The following FAM83G variants were observed in gnomAD, a reference collection of about 807,000 sequenced individuals.
FAM83G encodes scaffolding CK1 anchoring protein G, also known as protein FAM83G.
Under a neutral mutation model 61.5 loss-of-function variants are expected in FAM83G, and 38 were observed. The ratio of observed to expected loss-of-function variants is 0.62; its 90% confidence interval spans 0.48 to 0.81. FAM83G has a LOEUF of 0.81. Ranked by LOEUF, FAM83G falls within the 30% of genes least tolerant of loss-of-function variation. FAM83G has a pLI of 0.00. For synonymous variants in FAM83G, 470 were observed against 476.1 expected, an observed-to-expected ratio of 0.99 and a Z score of 0.17; for missense variants, 989 against 1,133.6, an observed-to-expected ratio of 0.87 and a Z score of 1.83.
In FAM83G at chr17:18,971,158, G is replaced by A. The variant is rs781297592; in HGVS notation, c.*201C>T. On this transcript the variant is annotated 3_prime_UTR_variant, in exon 6 of 6. Coordinates refer to ENST00000388995, the MANE Select transcript of FAM83G (RefSeq NM_001039999.3). The surrounding 1 kb of genome is among the most constrained non-coding windows in gnomAD (Gnocchi z 5.5). The stretch of plus-strand genomic sequence containing the variant: ...GAGACCCCCACACAGGGGACCTGCC[G>A]TGGACCGGGATGACCTTTGGCCTGA... 82 of 1,614,092 alleles carry A rather than the reference G, an allele frequency of 5.1e-5. No homozygotes were observed. The East Asian group carries it at 1.1e-3, about 21-fold the overall frequency.
At chr17:18,997,863 C>CA (rs145582036) in intron 2 of FAM83G, among the ~76,000 whole-genome samples, 1 of 152,180 alleles carries the variant, frequency 6.6e-6, no homozygotes, top group Non-Finnish European at 1.5e-5. Context: ...ATGCCAGACA[C>CA]AGAGTGTTTT....
In FAM83G at chr17:18,968,834, A is replaced by T. The variant is rs1423493569; in HGVS notation, c.*2525T>A. On this transcript the variant is annotated 3_prime_UTR_variant, in exon 6 of 6. Transcript: ENST00000388995. The surrounding 1 kb of genome is among the most constrained non-coding windows in gnomAD (Gnocchi z 4.1). ...ACTTTGGACTTTATTAGCAACAGTAATGTCCCCTGACATCCGCACAAGCTT... is the reference window on the plus strand; with the variant it reads ...ACTTTGGACTTTATTAGCAACAGTATTGTCCCCTGACATCCGCACAAGCTT... 1 of 562,414 alleles carries T rather than the reference A, an allele frequency of 1.8e-6. No individual in the cohort carries two copies. The allele number at this position is 562,414 out of a possible 1,614,324, so 34.8% of individuals were successfully genotyped here. A position where few individuals can be genotyped will look rare whatever the true frequency, so the allele number is the denominator to read the frequency against.
intron 2 of FAM83G, among the ~76,000 whole-genome samples, chr17:18,993,732 T>A (rs1489426725): frequency 1.3e-5 from 2 of 152,256 alleles, no homozygotes; most frequent in East Asian, 3.9e-4. Flanking sequence ...GGTTCGTTAT[T>A]CTCCAGGTCT....
Position 18,978,231 on chromosome 17 carries a change from C to T in FAM83G, c.1435G>A (p.Glu479Lys), listed in dbSNP as rs952267447. The T allele has an allele frequency of 5.0e-6, 8 of 1,587,098 alleles. No individual in the cohort carries two copies. Among genetic ancestry groups the T allele is most frequent in the East Asian group, 2.2e-5 (1 of 44,616 alleles). The change falls in exon 5 of 6, where the codon GAG becomes AAG. Residue 479 changes from glutamate to lysine, a missense_variant. Around this residue, in one of 3 missense-constraint regions of FAM83G, gnomAD observed 574 missense variants for 645.1 expected, o/e 0.89. Coordinates refer to ENST00000388995, the MANE Select transcript of FAM83G (RefSeq NM_001039999.3). ...RPRPEPCPPP[E>K]PSAPQDGVPA... ...ACACCGTCCTGGGGGGCACTGGGCT[C>T]TGGGGGAGGGCAAGGCTCTGGACGG...
In FAM83G at chr17:18,978,629, T is replaced by A. The variant is rs2043049579; in HGVS notation, c.1037A>T (p.Asn346Ile). The A allele has an allele frequency of 1.2e-6, 2 of 1,612,790 alleles. No individual in the cohort carries two copies. The highest frequency in any genetic ancestry group is 2.2e-5 in the South Asian group (2 of 91,082). The change falls in exon 5 of 6, where the codon AAC (asparagine) becomes ATC (isoleucine). Residue 346 changes from asparagine to isoleucine, a missense_variant. Asn to Ile is a moderately radical substitution (Grantham distance 149, BLOSUM62 -3). This residue lies in a region of FAM83G where 44 missense variants were observed against 83.9 expected (regional missense o/e 0.52). Transcript: ENST00000388995. ...PAGTVAKKLV[N>I]PKYALVKAKS... ...GGCCTTGACAAGTGCGTACTTGGGG[T>A]TGACGAGCTTCTTGGCCACAGTGCC...
At chr17:18,984,094 G>A (rs1426945275) in intron 3 of FAM83G, among the ~76,000 whole-genome samples, 3 of 152,116 alleles carry the variant, frequency 2.0e-5, no homozygotes, top group Admixed American at 6.5e-5. Flanking sequence ...TGTAATCCCC[G>A]CACTTTGGGA....
At position 18,988,230 on chromosome 17, in the gene FAM83G, G is replaced by T; in HGVS notation, c.690+17C>A. The T allele has an allele frequency of 6.2e-7, 1 of 1,602,856 alleles. No homozygotes were observed. Among genetic ancestry groups the T allele is most frequent in the African/African-American group, 1.3e-5 (1 of 74,892 alleles). On this transcript the variant is annotated intron_variant, in intron 3 of 5. Transcript: ENST00000388995. ...CCCTGCCCTCCAGCCACCCAGGCAA[G>T]TGAGGAGCCTGCTCACCTTGAGGTG...
intron 3 of FAM83G, among the ~76,000 whole-genome samples, chr17:18,981,707 C>T (rs2152013943): frequency 6.6e-6 from 1 of 152,284 alleles, no homozygotes; most frequent in South Asian, 2.1e-4. Context: ...TAAACCATAG[C>T]CTTTTCATAG....
chr17:18,988,502 C>A, intron 2 of FAM83G, 88 bp from the exon 3 acceptor site: 1 of 1,566,062 alleles, frequency 6.4e-7, no homozygotes, highest in South Asian at 1.2e-5. Context: ...CCTCCCATGC[C>A]ACCAGCCTCT....
At chr17:18,994,179 C>T (rs558027309) in intron 2 of FAM83G, among the ~76,000 whole-genome samples, 1 of 152,186 alleles carries the variant, frequency 6.6e-6, no homozygotes, top group Non-Finnish European at 1.5e-5. Context: ...ATAACAGAGA[C>T]GGAATTCACC....
At position 18,979,600 on chromosome 17, in the gene FAM83G, G is replaced by A. The variant is rs1164133883; in HGVS notation, c.764C>T (p.Ala255Val). ...TCCATCCACAAACATGAACTTCTGGGCCAGGGCACCCTTGAACTTGGTTGC... is the reference window on the plus strand; with the variant it reads ...TCCATCCACAAACATGAACTTCTGGACCAGGGCACCCTTGAACTTGGTTGC... ...RSATKFKGAL[A>V]QKFMFVDGDR... is the part of the protein sequence containing the mutation. The change falls in exon 4 of 6, where the codon GCC becomes GTC. Residue 255 changes from alanine to valine, a missense_variant. Ala to Val is a moderately conservative substitution (Grantham distance 64). Coordinates refer to ENST00000388995, the MANE Select transcript of FAM83G (RefSeq NM_001039999.3). The A allele has an allele frequency of 7.3e-5, 118 of 1,613,434 alleles. No individual in the cohort carries two copies. The highest frequency in any genetic ancestry group is 9.8e-5 in the Non-Finnish European group (116 of 1,180,010).
Position 18,971,619 on chromosome 17 carries a change from T to G in FAM83G, c.2212A>C (p.Met738Leu). 6.2e-7 allele frequency: 1 copy of G among 1,613,288 alleles called. No homozygotes were observed. The highest frequency in any genetic ancestry group is 8.5e-7 in the Non-Finnish European group (1 of 1,179,874). Residue 738 changes from methionine (M) to leucine (L), a missense_variant, in exon 6 of 6, where the codon ATG becomes CTG. This residue lies in a region of FAM83G where 574 missense variants were observed against 645.1 expected (regional missense o/e 0.89). Transcript: ENST00000388995. This position sits in a 1 kb window ranked among gnomAD's most constrained non-coding sequence, Gnocchi z 5.5. The stretch of plus-strand genomic sequence containing the variant: ...GCCTGCCAGTGGTGGGGGCCAGCCA[T>G]GGCTGGGCCAGCGTTTCTGGTAGAG... ...QSSTRNAGPA[M>L]AGPHHWQAKG...
At chr17:18,983,911 C>G (rs1438620445) in intron 3 of FAM83G, among the ~76,000 whole-genome samples, 1 of 152,204 alleles carries the variant, frequency 6.6e-6, no homozygotes, top group African/African-American at 2.4e-5. Context: ...GATACATGTC[C>G]CCTTTTGTGT....
At chr17:18,994,794 T>C (rs145633017) in intron 2 of FAM83G, among the ~76,000 whole-genome samples, 1 of 152,320 alleles carries the variant, frequency 6.6e-6, no homozygotes, top group East Asian at 1.9e-4. Context: ...TTAAGGGCCA[T>C]ATGTTCTCTG....
chr17:18,974,470 T>C (rs942735287), intron 5 of FAM83G, among the ~76,000 whole-genome samples: 1 of 152,250 alleles, frequency 6.6e-6, no homozygotes, highest in African/African-American at 2.4e-5. Context: ...GGTGTCCCTG[T>C]CTGTGAAACA....
At chr17:18,980,757 T>A (rs2043110758) in intron 3 of FAM83G, among the ~76,000 whole-genome samples, 1 of 152,152 alleles carries the variant, frequency 6.6e-6, no homozygotes, top group Admixed American at 6.5e-5. Flanking sequence ...AAAGGGGACC[T>A]GGGGCTCATC....
At chr17:18,977,443 C>T in intron 5 of FAM83G, 141 bp downstream of exon 5, 1 of 851,550 alleles carries the variant, frequency 1.2e-6, no homozygotes, top group Non-Finnish European at 1.8e-6. Flanking sequence ...CCTGCCTGTT[C>T]ATCAAGTTTC....
At chr17:18,993,683 C>T (rs988207128) in intron 2 of FAM83G, among the ~76,000 whole-genome samples, 6 of 152,206 alleles carry the variant, frequency 3.9e-5, no homozygotes, top group African/African-American at 1.4e-4. Flanking sequence ...ACTTTCCCAC[C>T]TGAGAAGTGC....
chr17:18,971,668 G>A lies in FAM83G; in HGVS notation c.2163C>T (p.Arg721=). ...KDGFPGPPRY[R]SAADSVQSST... ...AGCTCTGGACGCTGTCAGCAGCAGA[G>A]CGGTACCTAGGGGGTCCTGGGAAGC... is the stretch of plus-strand genomic sequence containing the variant. Residue 721 remains arginine (R), a synonymous_variant, in exon 6 of 6, where the codon CGC becomes CGT. Coordinates refer to ENST00000388995, the MANE Select transcript of FAM83G (RefSeq NM_001039999.3). This position sits in a 1 kb window ranked among gnomAD's most constrained non-coding sequence, Gnocchi z 5.5. The A allele has an allele frequency of 1.2e-6, 2 of 1,612,978 alleles. No homozygotes were observed. The highest frequency in any genetic ancestry group is 2.2e-5 in the East Asian group (1 of 44,838).
Sources: allele counts gnomAD v4.1 joint callset (sites outside exome capture counted in the v4.1 genomes callset), GRCh38; gene constraint gnomAD v4.1.1; regional missense constraint gnomAD v4.1.1; non-coding constraint Gnocchi (gnomAD v3.1); transcripts MANE v1.5; gene names NCBI Gene and HGNC (gene_info 2026-07-23, HGNC 2026-07-21).